Variants in ZNF804A observed in about 807,000 individuals in gnomAD.
ZNF804A encodes the protein zinc finger protein 804A.
Under a neutral mutation model 16.5 loss-of-function variants are expected in ZNF804A, and 2 were observed. That is an observed-to-expected ratio of 0.12 (90% CI 0.05 to 0.38). ZNF804A has a LOEUF of 0.38. Ranked by LOEUF, ZNF804A falls within the 10% of genes least tolerant of loss-of-function variation. The pLI is 0.99. For missense variants in ZNF804A, 1,473 were observed against 1,390.7 expected, an observed-to-expected ratio of 1.06 and a Z score of -0.94; for synonymous variants, 534 against 489.6, an observed-to-expected ratio of 1.09 and a Z score of -1.20.
At chr2:184,767,393 G>A (rs1456749493) in intron 1 of ZNF804A, among the ~76,000 whole-genome samples, 1 of 152,140 alleles carries the variant, frequency 6.6e-6, no homozygotes, top group East Asian at 1.9e-4. Context: ...CTTATCTGAA[G>A]TAGCCAAACT....
chr2:184,827,916 G>T (rs1009701724), intron 1 of ZNF804A, among the ~76,000 whole-genome samples: 1 of 151,622 alleles, frequency 6.6e-6, no homozygotes, highest in Non-Finnish European at 1.5e-5. Context: ...CTTTCCTTGA[G>T]AGTGCGTACT....
At chr2:184,778,178 G>A (rs1293957082) in intron 1 of ZNF804A, among the ~76,000 whole-genome samples, 1 of 151,478 alleles carries the variant, frequency 6.6e-6, no homozygotes, top group African/African-American at 2.4e-5. Flanking sequence ...TTTCCATTAA[G>A]AAGCTTTTGA....
intron 2 of ZNF804A, among the ~76,000 whole-genome samples, chr2:184,877,558 G>A (rs1178505259): frequency 6.6e-6 from 1 of 151,840 alleles, no homozygotes; most frequent in African/African-American, 2.4e-5. Context: ...AAACTAAGAT[G>A]CTAGGATTTT....
At chr2:184,933,498 C>A in intron 2 of ZNF804A, 105 bp from the exon 3 acceptor site, 1 of 1,081,126 alleles carries the variant, frequency 9.2e-7, no homozygotes, top group Non-Finnish European at 1.3e-6. Context: ...TACCTCTCGA[C>A]AAGGTCAAAG....
At chr2:184,648,334 T>C (rs1691916092) in intron 1 of ZNF804A, among the ~76,000 whole-genome samples, 1 of 152,120 alleles carries the variant, frequency 6.6e-6, no homozygotes, top group South Asian at 2.1e-4. Context: ...CCACAGGTCA[T>C]ATAAAACAAT....
intron 1 of ZNF804A, among the ~76,000 whole-genome samples, chr2:184,731,406 T>C (rs1442166930): frequency 1.3e-5 from 2 of 151,840 alleles, no homozygotes; most frequent in African/African-American, 4.8e-5. Flanking sequence ...GTGTTGTCAG[T>C]GTTCTGGATT....
At chr2:184,633,450 C>A (rs1235307387) in intron 1 of ZNF804A, among the ~76,000 whole-genome samples, 1 of 152,094 alleles carries the variant, frequency 6.6e-6, no homozygotes, top group Non-Finnish European at 1.5e-5. Context: ...ACTACACTTA[C>A]CCAGTTTTCT....
chr2:184,609,991 T>A (rs1182620534), intron 1 of ZNF804A, among the ~76,000 whole-genome samples: 2 of 152,130 alleles, frequency 1.3e-5, no homozygotes, highest in Non-Finnish European at 2.9e-5. Flanking sequence ...GGTGGGACAT[T>A]TGGGAGATGA....
chr2:184,771,451 A>C (rs1694212230), intron 1 of ZNF804A, among the ~76,000 whole-genome samples: 1 of 151,986 alleles, frequency 6.6e-6, no homozygotes, highest in South Asian at 2.1e-4. Context: ...TATTGCAGTT[A>C]AGATGTCTCC....
intron 1 of ZNF804A, among the ~76,000 whole-genome samples, chr2:184,818,297 C>G (rs1417692790): frequency 6.6e-6 from 1 of 151,954 alleles, no homozygotes; most frequent in Non-Finnish European, 1.5e-5. Flanking sequence ...AATTGGATAT[C>G]TGTCCAAACT....
chr2:184,617,424 A>G (rs1574133350), intron 1 of ZNF804A, among the ~76,000 whole-genome samples: 1 of 151,992 alleles, frequency 6.6e-6, no homozygotes, highest in Non-Finnish European at 1.5e-5. Context: ...TTGTTTAAAC[A>G]TCATGTAATT....
chr2:184,790,980 A>G (rs1694531126), intron 1 of ZNF804A, among the ~76,000 whole-genome samples: 1 of 152,150 alleles, frequency 6.6e-6, no homozygotes, highest in South Asian at 2.1e-4. Flanking sequence ...TTTATCTGAT[A>G]TAAGAATGGC....
intron 2 of ZNF804A, among the ~76,000 whole-genome samples, chr2:184,890,732 T>G (rs887989960): frequency 6.6e-6 from 1 of 151,668 alleles, no homozygotes; most frequent in Non-Finnish European, 1.5e-5. Context: ...CCTTCCAAAA[T>G]TAATTATTCC....
chr2:184,872,488 C>A (rs1558988807), intron 2 of ZNF804A, among the ~76,000 whole-genome samples: 1 of 151,810 alleles, frequency 6.6e-6, no homozygotes, highest in Non-Finnish European at 1.5e-5. Flanking sequence ...TTTGAGAAAA[C>A]AAAAACAAAA....
At chr2:184,653,073 G>C (rs762524011) in intron 1 of ZNF804A, among the ~76,000 whole-genome samples, 1 of 151,928 alleles carries the variant, frequency 6.6e-6, no homozygotes, top group African/African-American at 2.4e-5. Flanking sequence ...CCTAGTCTTG[G>C]GTGTTTCTTC....
chr2:184,768,212 C>T (rs538457860), intron 1 of ZNF804A, among the ~76,000 whole-genome samples: 42 of 152,126 alleles, frequency 2.8e-4, no homozygotes, highest in African/African-American at 9.1e-4. Context: ...TCTACAGATA[C>T]TGAAAGTGTA....
chr2:184,917,143 T>C (rs939508737), intron 2 of ZNF804A, among the ~76,000 whole-genome samples: 2 of 152,174 alleles, frequency 1.3e-5, no homozygotes, highest in Non-Finnish European at 2.9e-5. Context: ...AGTTGACACA[T>C]GCAATTAACC....
At chr2:184,650,913 T>A (rs1363212943) in intron 1 of ZNF804A, among the ~76,000 whole-genome samples, 1 of 152,126 alleles carries the variant, frequency 6.6e-6, no homozygotes, top group Non-Finnish European at 1.5e-5. Context: ...ACTACTAATG[T>A]CATTTTTCAC....
At chr2:184,652,754 C>T (rs1156827483) in intron 1 of ZNF804A, among the ~76,000 whole-genome samples, 1 of 152,072 alleles carries the variant, frequency 6.6e-6, no homozygotes. Flanking sequence ...ATTGTAGTTC[C>T]CATAATCCCC....
Sources: gnomAD v4.1 joint callset for allele counts (sites outside exome capture counted in the v4.1 genomes callset) on GRCh38, gnomAD v4.1.1 for gene constraint, MANE v1.5 for transcripts, NCBI Gene and HGNC (gene_info 2026-07-23, HGNC 2026-07-21) for gene names.